ZFAT: variants seen among roughly 807,000 people sequenced by gnomAD.
ZFAT encodes zinc finger protein ZFAT.
ZFAT carries 64 observed loss-of-function variants against 117.7 expected under a neutral mutation model. The observed-to-expected ratio is 0.54, with a 90% CI of 0.44 to 0.67. The LOEUF (loss-of-function observed/expected upper bound fraction) is 0.67, where lower values mean the gene tolerates loss of function less well. ZFAT is among the 30% of genes least tolerant of loss of function. The pLI, the probability that ZFAT is intolerant of heterozygous loss-of-function variation, is 0.00. For missense variants in ZFAT, 1,433 were observed against 1,584.5 expected (o/e 0.90, Z 1.62); for synonymous variants, 679 against 615.0 (o/e 1.10, Z -1.54).
At chr8:134,768,093 A>G in the ZFAT span, among the ~76,000 whole-genome samples, 5 of 152,156 alleles carry the variant, frequency 3.3e-5, no homozygotes, top group African/African-American at 9.7e-5. Flanking sequence ...CTTTGGAGAT[A>G]CTGTTTTTTG....
intron 11 of ZFAT, among the ~76,000 whole-genome samples, chr8:134,553,834 C>A (rs537193636): frequency 5.8e-4 from 88 of 152,264 alleles, no homozygotes; most frequent in African/African-American, 2.1e-3. Flanking sequence ...AGAGTGCTTG[C>A]CCAAGGCCAC....
intron 11 of ZFAT, among the ~76,000 whole-genome samples, chr8:134,554,336 C>T (rs1015732373): frequency 8.5e-5 from 13 of 152,224 alleles, no homozygotes; most frequent in Admixed American, 3.3e-4. Flanking sequence ...AACAACTTGA[C>T]GGATCTATCA....
chr8:134,582,979 C>T (rs1825812416), intron 10 of ZFAT, among the ~76,000 whole-genome samples: 1 of 152,182 alleles, frequency 6.6e-6, no homozygotes, highest in South Asian at 2.1e-4. Context: ...AAGTCCCTCA[C>T]ACAACCTGTC....
chr8:134,790,755 C>T, the ZFAT span, among the ~76,000 whole-genome samples: 1 of 152,140 alleles, frequency 6.6e-6, no homozygotes, highest in Admixed American at 6.5e-5. Flanking sequence ...TGGCTCATGA[C>T]TGTAATCGTA....
the ZFAT span, among the ~76,000 whole-genome samples, chr8:134,828,288 A>G: frequency 6.6e-6 from 1 of 152,222 alleles, no homozygotes; most frequent in Non-Finnish European, 1.5e-5. Flanking sequence ...TTTTTATAAT[A>G]TTCAATTATG....
At chr8:134,700,915 C>A (rs1397462485) in intron 1 of ZFAT, among the ~76,000 whole-genome samples, 1 of 152,148 alleles carries the variant, frequency 6.6e-6, no homozygotes, top group Non-Finnish European at 1.5e-5. Context: ...TCGCCATCAC[C>A]ACAGTCAAGA....
intron 11 of ZFAT, among the ~76,000 whole-genome samples, chr8:134,541,504 T>C (rs1234717146): frequency 6.6e-6 from 1 of 152,152 alleles, no homozygotes; most frequent in African/African-American, 2.4e-5. Flanking sequence ...TTCCTTTTCT[T>C]TATAAATTAC....
chr8:134,684,188 A>G (rs1354908837), intron 1 of ZFAT, among the ~76,000 whole-genome samples: 1 of 152,146 alleles, frequency 6.6e-6, no homozygotes, highest in African/African-American at 2.4e-5. Flanking sequence ...CCTTCTGCCC[A>G]TCCACCCAGC....
At chr8:134,519,412 T>C (rs924753254) in intron 13 of ZFAT, among the ~76,000 whole-genome samples, 1 of 152,240 alleles carries the variant, frequency 6.6e-6, no homozygotes, top group African/African-American at 2.4e-5. Flanking sequence ...TTTGTTTCCA[T>C]TGTAACTGAT....
At chr8:134,503,285 T>C (rs918488865) in intron 15 of ZFAT, among the ~76,000 whole-genome samples, 3 of 152,158 alleles carry the variant, frequency 2.0e-5, no homozygotes, top group South Asian at 2.1e-4. Context: ...TTCCTGAATC[T>C]TGAACCAAAA....
At chr8:134,820,179 A>T in the ZFAT span, among the ~76,000 whole-genome samples, 6 of 152,236 alleles carry the variant, frequency 3.9e-5, no homozygotes, top group Non-Finnish European at 7.3e-5. Flanking sequence ...GGGCATAGAA[A>T]ATATGCCTAT....
At chr8:134,830,858 T>C in the ZFAT span, among the ~76,000 whole-genome samples, 1 of 152,202 alleles carries the variant, frequency 6.6e-6, no homozygotes, top group Non-Finnish European at 1.5e-5. Flanking sequence ...AGTGATTTAG[T>C]GGAGAGTTTA....
chr8:134,744,923 G>T, the ZFAT span, among the ~76,000 whole-genome samples: 1 of 151,430 alleles, frequency 6.6e-6, no homozygotes, highest in Non-Finnish European at 1.5e-5. Context: ...TGGAGATGGG[G>T]TTTCACCATG....
intron 2 of ZFAT, among the ~76,000 whole-genome samples, chr8:134,647,260 G>A (rs1379731223): frequency 1.3e-5 from 2 of 151,936 alleles, no homozygotes; most frequent in African/African-American, 4.8e-5. Flanking sequence ...ATAGAATTAA[G>A]GACAAAAATC....
intron 1 of ZFAT, among the ~76,000 whole-genome samples, chr8:134,697,029 C>T (rs972304985): frequency 1.3e-5 from 2 of 151,512 alleles, no homozygotes; most frequent in Non-Finnish European, 2.9e-5. Flanking sequence ...GCGATCCTCC[C>T]ACCTTAGCCT....
At chr8:134,671,588 T>C (rs1340634373) in intron 1 of ZFAT, among the ~76,000 whole-genome samples, 1 of 152,224 alleles carries the variant, frequency 6.6e-6, no homozygotes, top group African/African-American at 2.4e-5. Flanking sequence ...AAATTAGGTA[T>C]TGATGGGACG....
chr8:134,773,997 T>C, the ZFAT span, among the ~76,000 whole-genome samples: 2 of 139,928 alleles, frequency 1.4e-5, no homozygotes, highest in African/African-American at 5.4e-5. Context: ...TTTTTTTTTT[T>C]TTTTTTTTTT....
At position 134,607,181 on chromosome 8, in the gene ZFAT, G is replaced by A. The variant is rs1404573677; in HGVS notation, c.785+1548C>T. Among the ~76,000 whole-genome samples, 3 of 152,168 alleles carry A rather than the reference G, an allele frequency of 2.0e-5. No individual in the cohort carries two copies. In the South Asian group the frequency reaches 6.2e-4, roughly 32 times the overall value. On this transcript the variant is annotated intron_variant, in intron 5 of 15. Transcript: ENST00000377838. ...CCGCCAACAGACCTTGAAATATTGTGAAGATAATTAATTAAGGTCTACAAA... is the reference window on the plus strand; with the variant it reads ...CCGCCAACAGACCTTGAAATATTGTAAAGATAATTAATTAAGGTCTACAAA...
chr8:134,478,394 G>C lies in ZFAT; in HGVS notation c.*88C>G. On this transcript the variant is annotated 3_prime_UTR_variant, in exon 16 of 16. Transcript: ENST00000377838. This position sits in a 1 kb window ranked among gnomAD's most constrained non-coding sequence, Gnocchi z 5.2. The stretch of plus-strand genomic sequence containing the variant: ...AGGGCAAAGGAGAGCACCATTCTGC[G>C]GGTAGGGCAGGAAGGGTGGCCTCCC... 1 of 1,486,658 alleles carries C rather than the reference G, an allele frequency of 6.7e-7. No homozygotes were observed. Among genetic ancestry groups the C allele is most frequent in the Non-Finnish European group, 9.0e-7 (1 of 1,114,614 alleles). The allele number at this position is 1,486,658 out of a possible 1,614,324, so 92.1% of individuals were successfully genotyped here.
Sources: gnomAD v4.1 joint callset for allele counts (sites outside exome capture counted in the v4.1 genomes callset) on GRCh38, gnomAD v4.1.1 for gene constraint, Gnocchi (gnomAD v3.1) non-coding constraint, MANE v1.5 for transcripts, NCBI Gene and HGNC (gene_info 2026-07-23, HGNC 2026-07-21) for gene names.